Variants in SATL1 observed in about 807,000 individuals in gnomAD.
SATL1 encodes the protein spermidine/spermine N1-acetyl transferase like 1.
A neutral mutation model predicts 51.8 loss-of-function variants in SATL1; 47 were observed. The ratio of observed to expected loss-of-function variants is 0.91; its 90% confidence interval spans 0.72 to 1.16. The LOEUF (loss-of-function observed/expected upper bound fraction) is 1.16. SATL1 is among the 50% of genes most tolerant of loss of function. The pLI is 0.00. For missense variants in SATL1, 520 were observed against 526.4 expected (o/e 0.99, Z 0.12); for synonymous variants, 176 against 182.4 (o/e 0.97, Z 0.28).
At chrX:85,151,999 C>T (rs1370451055) in intron 2 of SATL1, among the ~76,000 whole-genome samples, 4 of 109,388 alleles carry the variant, frequency 3.7e-5, no homozygotes, top group Non-Finnish European at 5.7e-5. Flanking sequence ...TTCTGCACAG[C>T]AAAAGAAACT....
intron 1 of SATL1, among the ~76,000 whole-genome samples, chrX:85,239,453 C>G (rs1474568696): frequency 9.0e-6 from 1 of 111,604 alleles, no homozygotes; most frequent in East Asian, 2.8e-4. Context: ...TCAAAGAGAT[C>G]TATAGATTAA....
chrX:85,131,524 T>A (rs1015338011), intron 2 of SATL1, among the ~76,000 whole-genome samples: 2 of 110,992 alleles, frequency 1.8e-5, no homozygotes, highest in Non-Finnish European at 3.8e-5. Context: ...CATCCTTTTA[T>A]TTTGAGCCTA....
intron 3 of SATL1, among the ~76,000 whole-genome samples, chrX:85,105,375 C>G (rs150590732): frequency 4.5e-5 from 5 of 111,165 alleles, no homozygotes; most frequent in Non-Finnish European, 7.6e-5. Context: ...TCCAAGAATC[C>G]TTATATCTTT....
chrX:85,178,734 G>A (rs1175171995), intron 2 of SATL1, among the ~76,000 whole-genome samples: 1 of 110,706 alleles, frequency 9.0e-6, no homozygotes, highest in Non-Finnish European at 1.9e-5. Flanking sequence ...TACCTTTTAG[G>A]TTATGTTTTC....
chrX:85,112,877 C>A (rs1925291332), intron 2 of SATL1, among the ~76,000 whole-genome samples: 1 of 111,644 alleles, frequency 9.0e-6, no homozygotes, highest in South Asian at 3.8e-4. Flanking sequence ...CATTCCTGGT[C>A]AGGAGGGCTC....
intron 2 of SATL1, among the ~76,000 whole-genome samples, chrX:85,160,715 C>G (rs968488017): frequency 9.1e-6 from 1 of 110,073 alleles, no homozygotes; most frequent in African/African-American, 3.3e-5. Flanking sequence ...ACTGGTGTCC[C>G]TGAAAGATGG....
intron 2 of SATL1, among the ~76,000 whole-genome samples, chrX:85,140,516 A>C (rs903488239): frequency 7.1e-5 from 8 of 112,261 alleles, no homozygotes; most frequent in African/African-American, 2.6e-4. Flanking sequence ...CCATATGTAG[A>C]TCAGACAAAT....
At chrX:85,239,324 A>G (rs891553108) in intron 1 of SATL1, among the ~76,000 whole-genome samples, 1 of 111,519 alleles carries the variant, frequency 9.0e-6, no homozygotes, top group African/African-American at 3.3e-5. Context: ...AAGCATGCAC[A>G]GAATGTATAT....
chrX:85,094,265 T>C (rs748210967), intron 5 of SATL1, 36 bp from the exon 6 acceptor site: 24 of 830,169 alleles, frequency 2.9e-5, no homozygotes, highest in Non-Finnish European at 4.3e-5. Context: ...GAAAGGTTGG[T>C]TGAATCTTAG....
chrX:85,209,811 G>C (rs1338089720), intron 2 of SATL1: 1 of 110,045 alleles, frequency 9.1e-6, no homozygotes, highest in Non-Finnish European at 1.9e-5. Context: ...GTGTTTTGAA[G>C]GTTTTTTTGT....
At chrX:85,139,077 A>C (rs899877212) in intron 2 of SATL1, among the ~76,000 whole-genome samples, 1 of 111,310 alleles carries the variant, frequency 9.0e-6, no homozygotes, top group African/African-American at 3.3e-5. Flanking sequence ...TCTATGCAGA[A>C]TTTTCTAGCC....
intron 2 of SATL1, among the ~76,000 whole-genome samples, chrX:85,133,156 A>G (rs1342087563): frequency 8.9e-6 from 1 of 111,903 alleles, no homozygotes; most frequent in Non-Finnish European, 1.9e-5. Context: ...TCAGAGCTCA[A>G]ACACCATGCT....
At chrX:85,156,234 C>T (rs993682289) in intron 2 of SATL1, 4 of 111,492 alleles carry the variant, frequency 3.6e-5, no homozygotes, top group East Asian at 2.8e-4. Context: ...TCCGTATTGT[C>T]GCAAAACAGT....
At chrX:85,112,167 A>T (rs149343615) in intron 2 of SATL1, among the ~76,000 whole-genome samples, 2 of 111,126 alleles carry the variant, frequency 1.8e-5, no homozygotes, top group Admixed American at 1.9e-4. Context: ...CTTGGCCAAC[A>T]TGGTGAAACC....
At chrX:85,179,935 T>G (rs971746358) in intron 2 of SATL1, among the ~76,000 whole-genome samples, 1 of 108,940 alleles carries the variant, frequency 9.2e-6, no homozygotes, top group Non-Finnish European at 1.9e-5. Context: ...ACACACACAA[T>G]AATACCTAGC....
chrX:85,208,248 C>T lies in SATL1; in HGVS notation c.-313+15957G>A, dbSNP rs527613338. On this transcript the variant is annotated intron_variant, in intron 2 of 7. Coordinates refer to ENST00000644105, the MANE Select transcript of SATL1 (RefSeq NM_001367857.2). The stretch of plus-strand genomic sequence containing the variant: ...GACATGAACTCATCCTTTTTTATGG[C>T]TGCATAGTATTCCATGGTGTATATG... Among the ~76,000 whole-genome samples, 14 of 111,739 alleles carry T rather than the reference C, an allele frequency of 1.3e-4. No individual in the cohort carries two copies. In the South Asian group the frequency reaches 4.9e-3, roughly 39 times the overall value.
chrX:85,104,763 GATT>G (rs1327385011), intron 3 of SATL1, among the ~76,000 whole-genome samples: 1 of 111,194 alleles, frequency 9.0e-6, no homozygotes, highest in East Asian at 2.8e-4. Context: ...ATCATCTCTG[GATT>G]ACTTACAATA....
At position 85,139,326 on chromosome X, in the gene SATL1, T is replaced by C. The variant is rs577982790; in HGVS notation, c.-312-30046A>G. Reference sequence around the variant, plus strand: ...TTATCATATACGTAAATTGGGTACATATCTATACACAACCTCATTGGGTTA... The same window carrying C: ...TTATCATATACGTAAATTGGGTACACATCTATACACAACCTCATTGGGTTA... On this transcript the variant is annotated intron_variant, in intron 2 of 7. Transcript: ENST00000644105. 1.6e-3 allele frequency among the ~76,000 whole-genome samples: 176 copies of C among 111,874 alleles called. 1 individual carries two copies. The highest frequency in any genetic ancestry group is 5.1e-3 in the African/African-American group (157 of 30,850).
At chrX:85,218,210 C>A (rs987326554) in intron 2 of SATL1, among the ~76,000 whole-genome samples, 1 of 110,110 alleles carries the variant, frequency 9.1e-6, no homozygotes, top group East Asian at 2.9e-4. Context: ...TACACCAAAT[C>A]GCTGTAACAC....
Sources: allele counts gnomAD v4.1 joint callset (sites outside exome capture counted in the v4.1 genomes callset), GRCh38; gene constraint gnomAD v4.1.1; transcripts MANE v1.5; gene names NCBI Gene and HGNC (gene_info 2026-07-23, HGNC 2026-07-21).